The following CPNE4 variants were observed in gnomAD, a reference collection of about 807,000 sequenced individuals.
CPNE4 encodes copine 4.
CPNE4 carries 25 observed loss-of-function variants against 67.9 expected under a neutral mutation model. That is an observed-to-expected ratio of 0.37 (90% CI 0.27 to 0.51). The LOEUF (loss-of-function observed/expected upper bound fraction) is 0.51. Among genes scored for constraint, CPNE4 ranks in the 20% least tolerant of loss-of-function variants. The pLI, the probability that CPNE4 is intolerant of heterozygous loss-of-function variation, is 0.93. For synonymous variants in CPNE4, 242 were observed against 244.9 expected, an observed-to-expected ratio of 0.99 and a Z score of 0.11; for missense variants, 464 against 690.8, an observed-to-expected ratio of 0.67 and a Z score of 3.68.
At chr3:131,832,439 C>T (rs529902561) in intron 2 of CPNE4, among the ~76,000 whole-genome samples, 13 of 152,284 alleles carry the variant, frequency 8.5e-5, no homozygotes, top group South Asian at 4.2e-4. Flanking sequence ...TCTGCCAGAA[C>T]TTTGCAGGTG....
intron 1 of CPNE4, among the ~76,000 whole-genome samples, chr3:132,001,619 AT>A (rs2073453632): frequency 7.5e-6 from 1 of 133,606 alleles, no homozygotes; most frequent in Non-Finnish European, 1.7e-5. Context: ...AAGAAAGAAA[AT>A]GAAGAGGAAG....
At chr3:132,002,213 T>C (rs1261640890) in intron 1 of CPNE4, among the ~76,000 whole-genome samples, 7 of 152,106 alleles carry the variant, frequency 4.6e-5, no homozygotes, top group Admixed American at 3.3e-4. Context: ...CACCATGGCA[T>C]TCAGAATAAT....
chr3:131,660,320 G>A (rs2080089520), intron 7 of CPNE4, among the ~76,000 whole-genome samples: 1 of 144,234 alleles, frequency 6.9e-6, no homozygotes. Context: ...CCAATTTGGA[G>A]TCACTAAAGA....
chr3:131,960,228 A>G (rs2072126966), intron 1 of CPNE4, among the ~76,000 whole-genome samples: 1 of 152,126 alleles, frequency 6.6e-6, no homozygotes, highest in Non-Finnish European at 1.5e-5. Context: ...TGCTGGTAAT[A>G]TCTTCTGACA....
intron 1 of CPNE4, among the ~76,000 whole-genome samples, chr3:132,000,847 T>TA (rs147138241): frequency 0.011 from 1,524 of 138,462 alleles, 10 homozygotes; most frequent in Non-Finnish European, 0.016. Flanking sequence ...CCATGTTTCT[T>TA]AAAAAAAAAA....
Position 131,942,457 on chromosome 3 carries a change from TGTGTGTGAGAGAGAGA to T in CPNE4, c.-1-37029_-1-37014del, listed in dbSNP as rs1406019368. On this transcript the variant is annotated intron_variant, in intron 1 of 15. Transcript: ENST00000429747. ...GTGTGTGTGTGTGTGTGTGTGTGTGTGTGTGTGAGAGAGAGAGAGAGAGAGAGAGAGAGAGAGAGAG... is the reference window on the plus strand; with the variant it reads ...GTGTGTGTGTGTGTGTGTGTGTGTGTGAGAGAGAGAGAGAGAGAGAGAGAG... Among the ~76,000 whole-genome samples the T allele has an allele frequency of 6.9e-4, 42 of 61,018 alleles. 1 individual carries two copies. The Middle Eastern group carries it at 0.022, about 32-fold the overall frequency. The allele number at this position is 61,018 out of a possible 152,430, so 40.0% of individuals were successfully genotyped here.
At chr3:131,998,660 T>C (rs1012312342) in intron 1 of CPNE4, among the ~76,000 whole-genome samples, 2 of 152,150 alleles carry the variant, frequency 1.3e-5, no homozygotes, top group Non-Finnish European at 2.9e-5. Context: ...TTCCTATTTA[T>C]TCATCTCTCA....
chr3:131,558,547 A>C (rs778656864), intron 11 of CPNE4, among the ~76,000 whole-genome samples: 13 of 151,982 alleles, frequency 8.6e-5, no homozygotes, highest in Admixed American at 2.0e-4. Context: ...ATAAAAAAAA[A>C]CCCTACGTGC....
At chr3:131,825,453 C>T (rs959075119) in intron 2 of CPNE4, among the ~76,000 whole-genome samples, 4 of 150,384 alleles carry the variant, frequency 2.7e-5, no homozygotes, top group Admixed American at 6.6e-5. Context: ...GATATCATGC[C>T]GCTGCACACT....
Position 131,669,721 on chromosome 3 carries a change from A to G in CPNE4, c.635T>C (p.Val212Ala). ...NLSPAWKSFK[V>A]SVNSLCSGDP... ...TCCGCTGCATAGAGAATTTACAGAT[A>G]CTTTGAATGATTTCCAGGCTGGGCT... Residue 212 changes from valine to alanine, a missense_variant, in exon 7 of 16, where the codon GTA (valine) becomes GCA (alanine). Coordinates refer to ENST00000429747, the MANE Select transcript of CPNE4 (RefSeq NM_130808.3). 1 of 1,613,924 alleles carries G rather than the reference A, an allele frequency of 6.2e-7. No individual in the cohort carries two copies. Among genetic ancestry groups the G allele is most frequent in the Non-Finnish European group, 8.5e-7 (1 of 1,179,860 alleles).
intron 3 of CPNE4, among the ~76,000 whole-genome samples, chr3:131,719,768 T>C (rs1331971305): frequency 6.6e-6 from 1 of 152,208 alleles, no homozygotes; most frequent in African/African-American, 2.4e-5. Flanking sequence ...GTCACTCTCA[T>C]CCTCAGCCTT....
At chr3:131,711,496 T>C (rs2081555916) in intron 3 of CPNE4, among the ~76,000 whole-genome samples, 1 of 152,174 alleles carries the variant, frequency 6.6e-6, no homozygotes. Context: ...GATGAGCAGA[T>C]GCTGAAGAAG....
intron 10 of CPNE4, among the ~76,000 whole-genome samples, chr3:131,566,641 TG>T (rs1937072739): frequency 6.6e-6 from 1 of 151,828 alleles, no homozygotes; most frequent in African/African-American, 2.4e-5. Flanking sequence ...ACTCCAGAGA[TG>T]TTTGAGAGAC....
chr3:132,037,834 G>A, upstream of CPNE4: 1 of 520,834 alleles, frequency 1.9e-6, no homozygotes, highest in Non-Finnish European at 3.5e-6. Flanking sequence ...GAAGAAATGT[G>A]GATTCTTACC....
At chr3:131,739,332 T>C (rs2082308016) in intron 2 of CPNE4, among the ~76,000 whole-genome samples, 1 of 152,218 alleles carries the variant, frequency 6.6e-6, no homozygotes, top group Non-Finnish European at 1.5e-5. Flanking sequence ...CTGTCAATCC[T>C]ACACCTGCCT....
intron 7 of CPNE4, among the ~76,000 whole-genome samples, chr3:131,593,635 C>G (rs1938667498): frequency 6.6e-6 from 1 of 152,100 alleles, no homozygotes; most frequent in African/African-American, 2.4e-5. Flanking sequence ...TTTACTTCTT[C>G]TTTCTGATTT....
chr3:131,796,385 C>A (rs1392064089), intron 2 of CPNE4, among the ~76,000 whole-genome samples: 1 of 152,046 alleles, frequency 6.6e-6, no homozygotes, highest in African/African-American at 2.4e-5. Flanking sequence ...GTGTCTCATC[C>A]CCTGGAGTTT....
intron 2 of CPNE4, among the ~76,000 whole-genome samples, chr3:131,860,655 GATTAA>G (rs149227518): frequency 0.076 from 11,626 of 152,214 alleles, 579 homozygotes; most frequent in East Asian, 0.17. Context: ...TGGATTACAT[GATTAA>G]ATTAATCAAA....
intron 2 of CPNE4, among the ~76,000 whole-genome samples, chr3:131,863,356 C>T (rs1303201927): frequency 6.6e-6 from 1 of 152,120 alleles, no homozygotes; most frequent in Admixed American, 6.5e-5. Flanking sequence ...TTCTCCACAT[C>T]CTCTCCAGCA....
Sources: allele counts gnomAD v4.1 joint callset (sites outside exome capture counted in the v4.1 genomes callset), GRCh38; gene constraint gnomAD v4.1.1; transcripts MANE v1.5; gene names NCBI Gene and HGNC (gene_info 2026-07-23, HGNC 2026-07-21).